The following COL26A1 variants were observed in gnomAD, a reference collection of about 807,000 sequenced individuals.
The protein encoded by COL26A1 is collagen alpha-1(XXVI) chain.
COL26A1 carries 41 observed loss-of-function variants against 59.3 expected under a neutral mutation model. That is an observed-to-expected ratio of 0.69 (90% CI 0.54 to 0.90). The LOEUF (loss-of-function observed/expected upper bound fraction) is 0.90. Ranked by LOEUF, COL26A1 falls within the 40% of genes least tolerant of loss-of-function variation. The probability of loss-of-function intolerance (pLI) is 0.00; values close to 1 mark genes in which losing one functional copy is unlikely to be tolerated. For synonymous variants in COL26A1, 266 were observed against 256.0 expected (o/e 1.04, Z -0.37); for missense variants, 612 against 602.3 (o/e 1.02, Z -0.17).
chr7:101,414,563 G>A (rs1328466368), intron 1 of COL26A1, among the ~76,000 whole-genome samples: 2 of 151,860 alleles, frequency 1.3e-5, no homozygotes, highest in Non-Finnish European at 2.9e-5. Context: ...TCAGCCTCCC[G>A]AGCAGCTGGG....
At position 101,557,358 on chromosome 7, in the gene COL26A1, C is replaced by G. The variant is rs984619242; in HGVS notation, c.1166-12C>G. On this transcript the variant is annotated splice_polypyrimidine_tract_variant and intron_variant, in intron 12 of 12. Coordinates refer to ENST00000313669, the MANE Select transcript of COL26A1 (RefSeq NM_001278563.3). ...GCTCTACCTCGAGTCCACCCTCCTG[C>G]TCTCCTTCCAGATCCCCTGGCCTCC... is the stretch of plus-strand genomic sequence containing the variant. The G allele has an allele frequency of 2.2e-5, 35 of 1,609,470 alleles. No homozygotes were observed. Among genetic ancestry groups the G allele is most frequent in the Non-Finnish European group, 3.0e-5 (35 of 1,176,774 alleles).
chr7:101,463,772 T>TCTTTCTTTCTTTCTCTC (rs1562993266), intron 3 of COL26A1, among the ~76,000 whole-genome samples: 3 of 39,190 alleles, frequency 7.7e-5, no homozygotes, highest in South Asian at 1.2e-3. Flanking sequence ...TTTCCTTCCT[T>TCTTTCTTTCTTTCTCTC]CTTTCTTTCT....
intron 3 of COL26A1, among the ~76,000 whole-genome samples, chr7:101,527,883 G>A (rs1157943981): frequency 6.6e-6 from 1 of 151,942 alleles, no homozygotes; most frequent in South Asian, 2.1e-4. Flanking sequence ...GTTCGGGCAG[G>A]GCCTCCTCTG....
chr7:101,480,179 C>T (rs1794126489), intron 3 of COL26A1, among the ~76,000 whole-genome samples: 1 of 152,142 alleles, frequency 6.6e-6, no homozygotes, highest in African/African-American at 2.4e-5. Context: ...CTCATTCTAT[C>T]CTCTGAGTCT....
intron 1 of COL26A1, among the ~76,000 whole-genome samples, chr7:101,373,888 A>G (rs1791248435): frequency 6.6e-6 from 1 of 152,112 alleles, no homozygotes; most frequent in South Asian, 2.1e-4. Flanking sequence ...CCATTCCCAG[A>G]GAAACAATTC....
intron 3 of COL26A1, among the ~76,000 whole-genome samples, chr7:101,457,983 G>A (rs578024961): frequency 4.8e-5 from 7 of 145,850 alleles, no homozygotes; most frequent in East Asian, 2.1e-4. Flanking sequence ...TGCAACCTCC[G>A]CCTCCTGGGT....
intron 3 of COL26A1, among the ~76,000 whole-genome samples, chr7:101,511,114 G>A (rs1314940275): frequency 6.6e-6 from 1 of 151,606 alleles, no homozygotes; most frequent in Non-Finnish European, 1.5e-5. Flanking sequence ...ATGTTAGCCA[G>A]GATGGTCTCG....
At chr7:101,535,573 C>G (rs1024378622) in intron 4 of COL26A1, among the ~76,000 whole-genome samples, 4 of 152,218 alleles carry the variant, frequency 2.6e-5, no homozygotes, top group Admixed American at 2.6e-4. Flanking sequence ...GCTCCATGGC[C>G]TCCAGCAGCA....
chr7:101,534,400 C>T (rs73413412), intron 4 of COL26A1, among the ~76,000 whole-genome samples: 4,408 of 152,226 alleles, frequency 0.029, 210 homozygotes, highest in African/African-American at 0.099. Context: ...CACATACACA[C>T]GCATGCATAC....
chr7:101,482,694 C>A (rs961655673), intron 3 of COL26A1, among the ~76,000 whole-genome samples: 1 of 152,152 alleles, frequency 6.6e-6, no homozygotes, highest in African/African-American at 2.4e-5. Flanking sequence ...GGGTGACTCA[C>A]GCCTGTAATC....
intron 3 of COL26A1, among the ~76,000 whole-genome samples, chr7:101,501,410 A>C (rs1346554183): frequency 6.6e-6 from 1 of 151,850 alleles, no homozygotes; most frequent in Non-Finnish European, 1.5e-5. Flanking sequence ...CCCCCACAGC[A>C]GTGGTGGGGC....
chr7:101,457,141 G>A (rs967114895), intron 3 of COL26A1, among the ~76,000 whole-genome samples: 1 of 152,102 alleles, frequency 6.6e-6, no homozygotes, highest in African/African-American at 2.4e-5. Flanking sequence ...ATAGGGGTGT[G>A]GAAAACGGTC....
intron 2 of COL26A1, among the ~76,000 whole-genome samples, chr7:101,430,159 G>A (rs1206997370): frequency 1.3e-5 from 2 of 151,632 alleles, no homozygotes; most frequent in Non-Finnish European, 2.9e-5. Flanking sequence ...TTGTAGTTTT[G>A]GGCATACAAA....
At chr7:101,508,702 G>T (rs559746551) in intron 3 of COL26A1, among the ~76,000 whole-genome samples, 2 of 151,946 alleles carry the variant, frequency 1.3e-5, no homozygotes, top group African/African-American at 4.8e-5. Flanking sequence ...AAACCTGACC[G>T]TAAGGTCTTT....
intron 3 of COL26A1, among the ~76,000 whole-genome samples, chr7:101,460,648 G>T (rs530869938): frequency 2.6e-5 from 4 of 152,154 alleles, no homozygotes; most frequent in Admixed American, 6.5e-5. Flanking sequence ...GGGCATGGTG[G>T]CACGCATCTG....
chr7:101,530,113 A>T (rs1363228429), intron 3 of COL26A1, among the ~76,000 whole-genome samples: 1 of 152,118 alleles, frequency 6.6e-6, no homozygotes, highest in African/African-American at 2.4e-5. Context: ...ATAGGTGGGT[A>T]GATGGGGGTG....
At chr7:101,555,306 G>T (rs1255961057) in intron 11 of COL26A1, among the ~76,000 whole-genome samples, 1 of 152,166 alleles carries the variant, frequency 6.6e-6, no homozygotes, top group Non-Finnish European at 1.5e-5. Context: ...GCCTGGCATG[G>T]CCACACCTAC....
chr7:101,488,349 A>AATTTATATATATAT (rs1491342922), intron 3 of COL26A1, among the ~76,000 whole-genome samples: 87 of 104,966 alleles, frequency 8.3e-4, no homozygotes, highest in Middle Eastern at 4.7e-3. Context: ...AATTTTATTT[A>AATTTATATATATAT]ATATATATAT....
intron 1 of COL26A1, among the ~76,000 whole-genome samples, chr7:101,395,316 T>G (rs1791830734): frequency 6.6e-6 from 1 of 152,226 alleles, no homozygotes; most frequent in Admixed American, 6.5e-5. Context: ...AAAGAAATCT[T>G]TCTCGTAGGA....
Sources: allele counts gnomAD v4.1 joint callset (sites outside exome capture counted in the v4.1 genomes callset), GRCh38; gene constraint gnomAD v4.1.1; transcripts MANE v1.5; gene names NCBI Gene and HGNC (gene_info 2026-07-23, HGNC 2026-07-21).